Variants in KCNJ3 observed in about 807,000 individuals in gnomAD.
KCNJ3 encodes potassium inwardly rectifying channel subfamily J member 3, also known as G protein-activated inward rectifier potassium channel 1.
KCNJ3 carries 4 observed loss-of-function variants against 39.2 expected under a neutral mutation model. The ratio of observed to expected loss-of-function variants is 0.10; its 90% confidence interval spans 0.05 to 0.23. The LOEUF (loss-of-function observed/expected upper bound fraction) is 0.23. Ranked by LOEUF, KCNJ3 falls within the 10% of genes least tolerant of loss-of-function variation. KCNJ3 has a pLI of 1.00. For synonymous variants in KCNJ3, 230 were observed against 237.4 expected (o/e 0.97, Z 0.29); for missense variants, 276 against 634.9 (o/e 0.43, Z 6.08).
chr2:154,809,858 T>C (rs1686977389), intron 2 of KCNJ3, among the ~76,000 whole-genome samples: 1 of 151,382 alleles, frequency 6.6e-6, no homozygotes, highest in Admixed American at 6.6e-5. Flanking sequence ...TTTTACATAT[T>C]GTATATGAAA....
intron 2 of KCNJ3, among the ~76,000 whole-genome samples, chr2:154,797,706 A>G (rs929102304): frequency 6.6e-6 from 1 of 152,108 alleles, no homozygotes; most frequent in Non-Finnish European, 1.5e-5. Flanking sequence ...CCTTCTCCTT[A>G]GAAGTTAAAT....
intron 2 of KCNJ3, among the ~76,000 whole-genome samples, chr2:154,734,467 T>C (rs1178271581): frequency 2.0e-5 from 3 of 152,176 alleles, no homozygotes; most frequent in African/African-American, 4.8e-5. Context: ...TAGTGAAGTA[T>C]CAACCACAAT....
intron 2 of KCNJ3, among the ~76,000 whole-genome samples, chr2:154,849,723 G>C (rs1687722488): frequency 6.6e-6 from 1 of 152,152 alleles, no homozygotes; most frequent in Non-Finnish European, 1.5e-5. Context: ...GAGATATCCT[G>C]AAAGTTTAAT....
At chr2:154,794,921 T>C (rs577631507) in intron 2 of KCNJ3, among the ~76,000 whole-genome samples, 1 of 152,122 alleles carries the variant, frequency 6.6e-6, no homozygotes, top group South Asian at 2.1e-4. Context: ...AGAAGAATTT[T>C]CTTTTCTAAT....
intron 2 of KCNJ3, among the ~76,000 whole-genome samples, chr2:154,810,071 C>T (rs1378473578): frequency 6.6e-6 from 1 of 151,842 alleles, no homozygotes; most frequent in African/African-American, 2.4e-5. Flanking sequence ...TCCTCTCTCT[C>T]TTTCTCTCTC....
At chr2:154,828,635 C>T (rs1466945064) in intron 2 of KCNJ3, among the ~76,000 whole-genome samples, 3 of 152,122 alleles carry the variant, frequency 2.0e-5, no homozygotes, top group African/African-American at 7.2e-5. Flanking sequence ...TGTTCTAGTC[C>T]AATGTGAAGC....
At chr2:154,831,763 A>T (rs1687367412) in intron 2 of KCNJ3, among the ~76,000 whole-genome samples, 1 of 152,196 alleles carries the variant, frequency 6.6e-6, no homozygotes, top group South Asian at 2.1e-4. Flanking sequence ...CATTGCTTTG[A>T]TTACATGTTA....
chr2:154,757,355 G>A (rs1211417757), intron 2 of KCNJ3, among the ~76,000 whole-genome samples: 1 of 152,080 alleles, frequency 6.6e-6, no homozygotes, highest in Non-Finnish European at 1.5e-5. Context: ...CAAAGGCTGG[G>A]TCAAGCTGTT....
At chr2:154,752,197 G>T (rs1032998464) in intron 2 of KCNJ3, among the ~76,000 whole-genome samples, 2 of 151,818 alleles carry the variant, frequency 1.3e-5, no homozygotes, top group Admixed American at 6.6e-5. Context: ...ACATTTTGGT[G>T]TACTCAAACT....
At chr2:154,799,899 A>C (rs1686782231) in intron 2 of KCNJ3, among the ~76,000 whole-genome samples, 1 of 152,226 alleles carries the variant, frequency 6.6e-6, no homozygotes, top group African/African-American at 2.4e-5. Flanking sequence ...GTAAGAAATT[A>C]TGTAGTACGT....
At chr2:154,705,001 C>T (rs1684976968) in intron 1 of KCNJ3, among the ~76,000 whole-genome samples, 1 of 152,110 alleles carries the variant, frequency 6.6e-6, no homozygotes, top group Admixed American at 6.5e-5. Context: ...CTTCCCAGAC[C>T]ACTGGCCCTG....
At chr2:154,719,406 A>G (rs776624487) in intron 2 of KCNJ3, among the ~76,000 whole-genome samples, 1 of 152,158 alleles carries the variant, frequency 6.6e-6, no homozygotes, top group Non-Finnish European at 1.5e-5. Context: ...GTGCCGATCA[A>G]TGTAGCCAAA....
chr2:154,724,503 C>T (rs897622581), intron 2 of KCNJ3, among the ~76,000 whole-genome samples: 5 of 151,952 alleles, frequency 3.3e-5, no homozygotes, highest in East Asian at 1.9e-4. Flanking sequence ...TTTGATGTGT[C>T]GCCAAGGTCA....
chr2:154,717,510 A>G (rs1257649892), intron 2 of KCNJ3, among the ~76,000 whole-genome samples: 1 of 152,186 alleles, frequency 6.6e-6, no homozygotes, highest in Non-Finnish European at 1.5e-5. Context: ...GCAACCTGTG[A>G]CTGTTTAAAA....
At chr2:154,800,158 C>A (rs1359362420) in intron 2 of KCNJ3, among the ~76,000 whole-genome samples, 1 of 152,140 alleles carries the variant, frequency 6.6e-6, no homozygotes, top group Non-Finnish European at 1.5e-5. Flanking sequence ...TGATGTTTGT[C>A]TGGTCTTCAC....
intron 2 of KCNJ3, among the ~76,000 whole-genome samples, chr2:154,790,567 T>G (rs2105210007): frequency 6.6e-6 from 1 of 152,242 alleles, no homozygotes; most frequent in East Asian, 1.9e-4. Flanking sequence ...CATTTCTCAC[T>G]GTAGTTCCAT....
At chr2:154,842,385 G>A (rs1410603561) in intron 2 of KCNJ3, among the ~76,000 whole-genome samples, 1 of 152,196 alleles carries the variant, frequency 6.6e-6, no homozygotes, top group African/African-American at 2.4e-5. Flanking sequence ...TAGAATAAAT[G>A]CGATGTGGTA....
intron 2 of KCNJ3, among the ~76,000 whole-genome samples, chr2:154,850,829 T>G (rs1687746209): frequency 6.6e-6 from 1 of 152,168 alleles, no homozygotes. Context: ...CCATACTTAG[T>G]CTCTTCTGCT....
At chr2:154,798,395 C>CT (rs1311358331) in intron 2 of KCNJ3, among the ~76,000 whole-genome samples, 1 of 151,944 alleles carries the variant, frequency 6.6e-6, no homozygotes, top group Non-Finnish European at 1.5e-5. Context: ...CAACAGGTTG[C>CT]TTTTTTTTCT....
Sources: gnomAD v4.1 joint callset for allele counts (sites outside exome capture counted in the v4.1 genomes callset) on GRCh38, gnomAD v4.1.1 for gene constraint, MANE v1.5 for transcripts, NCBI Gene and HGNC (gene_info 2026-07-23, HGNC 2026-07-21) for gene names.